Variants in GABRB2 observed in about 807,000 individuals in gnomAD.
GABRB2 encodes the protein gamma-aminobutyric acid receptor subunit beta-2.
GABRB2 carries 16 observed loss-of-function variants against 54.7 expected under a neutral mutation model. The ratio of observed to expected loss-of-function variants is 0.29; its 90% CI spans 0.20 to 0.44. The LOEUF (loss-of-function observed/expected upper bound fraction) is 0.44, where lower values mean the gene tolerates loss of function less well. Ranked by LOEUF, GABRB2 falls within the 20% of genes least tolerant of loss-of-function variation. The probability of loss-of-function intolerance (pLI) is 1.00; values close to 1 mark genes in which losing one functional copy is unlikely to be tolerated. For missense variants in GABRB2, 355 were observed against 644.0 expected, an observed-to-expected ratio of 0.55 and a Z score of 4.86; for synonymous variants, 244 against 233.8, an observed-to-expected ratio of 1.04 and a Z score of -0.40.
At chr5:161,533,417 A>C (rs1168045807) in intron 3 of GABRB2, among the ~76,000 whole-genome samples, 1 of 152,140 alleles carries the variant, frequency 6.6e-6, no homozygotes, top group Non-Finnish European at 1.5e-5. Context: ...CCATCCAAAA[A>C]TGTAATTGAT....
chr5:161,477,267 A>G (rs1222473677), intron 3 of GABRB2, among the ~76,000 whole-genome samples: 1 of 131,616 alleles, frequency 7.6e-6, no homozygotes, highest in East Asian at 2.2e-4. Context: ...TAACTACTAT[A>G]GACAAACAAA....
At chr5:161,331,648 A>G (rs194072) in intron 7 of GABRB2, among the ~76,000 whole-genome samples, 20,961 of 152,080 alleles carry the variant, frequency 0.14, 1,480 homozygotes, top group East Asian at 0.17. Flanking sequence ...CATTACCATG[A>G]TCTCGGAAAA....
chr5:161,349,842 T>C (rs1754422510), intron 5 of GABRB2, among the ~76,000 whole-genome samples: 1 of 152,076 alleles, frequency 6.6e-6, no homozygotes, highest in Non-Finnish European at 1.5e-5. Flanking sequence ...AACGAGACCA[T>C]AGCCCCAGAA....
intron 9 of GABRB2, among the ~76,000 whole-genome samples, chr5:161,316,238 T>C (rs1683413944): frequency 6.6e-6 from 1 of 152,216 alleles, no homozygotes; most frequent in Non-Finnish European, 1.5e-5. Context: ...AGTTGAGACC[T>C]GAAGCCTGAG....
At chr5:161,535,853 G>T (rs865976230) in intron 3 of GABRB2, among the ~76,000 whole-genome samples, 4 of 152,124 alleles carry the variant, frequency 2.6e-5, no homozygotes, top group African/African-American at 9.7e-5. Context: ...AGTCATGGGG[G>T]CAGAGCTCTT....
intron 9 of GABRB2, among the ~76,000 whole-genome samples, chr5:161,302,519 A>C (rs1179424572): frequency 1.3e-5 from 2 of 152,186 alleles, no homozygotes; most frequent in Non-Finnish European, 2.9e-5. Flanking sequence ...TCACAGGCTT[A>C]CCTTGCAAAG....
At chr5:161,406,280 T>A (rs1756346313) in intron 5 of GABRB2, among the ~76,000 whole-genome samples, 1 of 152,106 alleles carries the variant, frequency 6.6e-6, no homozygotes, top group Non-Finnish European at 1.5e-5. Flanking sequence ...AATAAATTAA[T>A]TTGCATTTTA....
At position 161,326,374 on chromosome 5, in the gene GABRB2, C is replaced by CAG; in HGVS notation, c.1183_1184dup (p.Tyr396CysfsTer12). 1.9e-6 allele frequency: 3 copies of CAG among 1,613,342 alleles called. No homozygotes were observed. The highest frequency in any genetic ancestry group is 2.5e-6 in the Non-Finnish European group (3 of 1,179,506). The stretch of plus-strand genomic sequence containing the variant: ...TAAAAACTGGCTATCTAACCGTATA[C>CAG]AGAGAGAAATCGTAATTGGTAGTCC... On this transcript the variant is annotated frameshift_variant, in exon 9 of 10. Transcript: ENST00000393959. LOFTEE classifies it high-confidence loss of function.
At chr5:161,374,987 T>G (rs541011352) in intron 5 of GABRB2, among the ~76,000 whole-genome samples, 22 of 152,160 alleles carry the variant, frequency 1.4e-4, no homozygotes, top group Non-Finnish European at 2.5e-4. Context: ...AGACAAAAAG[T>G]CATTTTTTGC....
chr5:161,426,392 G>T (rs1385768235), intron 4 of GABRB2, among the ~76,000 whole-genome samples: 1 of 152,044 alleles, frequency 6.6e-6, no homozygotes. Flanking sequence ...GACTGGGGGA[G>T]GGTGGTACAT....
At chr5:161,536,339 G>T (rs1428152910) in intron 3 of GABRB2, among the ~76,000 whole-genome samples, 1 of 152,042 alleles carries the variant, frequency 6.6e-6, no homozygotes, top group Non-Finnish European at 1.5e-5. Context: ...CGCCAAAATT[G>T]TGCCCAAAAT....
intron 9 of GABRB2, among the ~76,000 whole-genome samples, chr5:161,305,369 A>G (rs1042741555): frequency 5.3e-5 from 8 of 152,218 alleles, no homozygotes; most frequent in African/African-American, 1.9e-4. Context: ...ATTGGCTTCA[A>G]ATTATTATGA....
chr5:161,471,876 T>C lies in GABRB2; in HGVS notation c.238-12032A>G, dbSNP rs190353752. On this transcript the variant is annotated intron_variant, in intron 3 of 9. Transcript: ENST00000393959. Reference sequence around the variant, plus strand: ...TGCTTTAGAGTATTTTCTCTTCTAATTAGTCTGTACCCAATGTTAATACTT... The same window carrying C: ...TGCTTTAGAGTATTTTCTCTTCTAACTAGTCTGTACCCAATGTTAATACTT... Among the ~76,000 whole-genome samples, 3 of 152,138 alleles carry C rather than the reference T, an allele frequency of 2.0e-5. No homozygotes were observed. In the East Asian group the frequency reaches 5.8e-4, roughly 30 times the overall value.
At chr5:161,506,681 G>T (rs1030194081) in intron 3 of GABRB2, among the ~76,000 whole-genome samples, 1 of 152,052 alleles carries the variant, frequency 6.6e-6, no homozygotes, top group Middle Eastern at 3.2e-3. Context: ...TCTTTTGGAA[G>T]AAGTTTACCA....
At chr5:161,315,308 C>G (rs565019795) in intron 9 of GABRB2, among the ~76,000 whole-genome samples, 49 of 152,210 alleles carry the variant, frequency 3.2e-4, no homozygotes, top group African/African-American at 1.2e-3. Flanking sequence ...TCACTCTTTG[C>G]AGGGCAGGAG....
At chr5:161,360,650 G>C (rs145191977) in intron 5 of GABRB2, among the ~76,000 whole-genome samples, 1 of 152,172 alleles carries the variant, frequency 6.6e-6, no homozygotes, top group African/African-American at 2.4e-5. Flanking sequence ...AAAATATTAA[G>C]AAAGAACAAT....
chr5:161,369,229 A>C (rs1755060418), intron 5 of GABRB2, among the ~76,000 whole-genome samples: 1 of 152,192 alleles, frequency 6.6e-6, no homozygotes, highest in Admixed American at 6.5e-5. Flanking sequence ...CTATGCTGTG[A>C]AATAGATTTC....
intron 5 of GABRB2, among the ~76,000 whole-genome samples, chr5:161,383,214 T>C (rs1580936244): frequency 1.3e-5 from 2 of 152,156 alleles, no homozygotes; most frequent in Non-Finnish European, 2.9e-5. Context: ...CCCAAAACTT[T>C]TCCATCTCAT....
intron 7 of GABRB2, among the ~76,000 whole-genome samples, chr5:161,331,426 G>C (rs1410407436): frequency 6.6e-6 from 1 of 152,148 alleles, no homozygotes; most frequent in East Asian, 1.9e-4. Flanking sequence ...TGTAAGGTAA[G>C]AGTTCAGAAT....
Sources: allele counts gnomAD v4.1 joint callset (sites outside exome capture counted in the v4.1 genomes callset), GRCh38; gene constraint gnomAD v4.1.1; transcripts MANE v1.5; gene names NCBI Gene and HGNC (gene_info 2026-07-23, HGNC 2026-07-21).